Variants in SPAG16 observed in about 807,000 individuals in gnomAD.
SPAG16 encodes the protein sperm associated antigen 16, also known as sperm-associated antigen 16 protein.
In SPAG16, 86 loss-of-function variants were observed where a neutral mutation model predicts 80.4. The ratio of observed to expected loss-of-function variants is 1.07; its 90% CI spans 0.90 to 1.28. The LOEUF (loss-of-function observed/expected upper bound fraction) is 1.28. Ranked by LOEUF, SPAG16 falls within the 50% of genes most tolerant of loss-of-function variation. SPAG16 has a pLI of 0.00. For synonymous variants in SPAG16, 294 were observed against 265.9 expected, an observed-to-expected ratio of 1.11 and a Z score of -1.03; for missense variants, 870 against 765.3, an observed-to-expected ratio of 1.14 and a Z score of -1.61.
At chr2:213,761,929 C>G (rs184327526) in intron 10 of SPAG16, among the ~76,000 whole-genome samples, 1 of 151,738 alleles carries the variant, frequency 6.6e-6, no homozygotes, top group Non-Finnish European at 1.5e-5. Flanking sequence ...ATATCTCTTA[C>G]GAATATTGAG....
At chr2:213,842,662 C>T (rs114425614) in intron 10 of SPAG16, among the ~76,000 whole-genome samples, 260 of 152,306 alleles carry the variant, frequency 1.7e-3, no homozygotes, top group African/African-American at 6.1e-3. Flanking sequence ...ATATGTTCAT[C>T]TCCTTCTGCA....
chr2:214,086,948 C>T (rs772313865), intron 13 of SPAG16, among the ~76,000 whole-genome samples: 2 of 152,128 alleles, frequency 1.3e-5, no homozygotes, highest in African/African-American at 2.4e-5. Flanking sequence ...TTTTTTACTG[C>T]TCAACTCATT....
chr2:214,153,371 G>A (rs539694931), intron 15 of SPAG16, among the ~76,000 whole-genome samples: 3 of 152,012 alleles, frequency 2.0e-5, no homozygotes, highest in Non-Finnish European at 2.9e-5. Flanking sequence ...TATAATATTG[G>A]AATAAAGAAT....
chr2:213,588,568 C>T (rs1387281911), intron 10 of SPAG16, among the ~76,000 whole-genome samples: 5 of 149,712 alleles, frequency 3.3e-5, no homozygotes, highest in African/African-American at 9.8e-5. Flanking sequence ...TTTGGGAGGC[C>T]GAGGCGGGTG....
At chr2:214,273,987 A>T (rs928498467) in intron 15 of SPAG16, among the ~76,000 whole-genome samples, 1 of 152,132 alleles carries the variant, frequency 6.6e-6, no homozygotes, top group Non-Finnish European at 1.5e-5. Context: ...AGTAGTTTGC[A>T]GTTCTCCTTG....
intron 12 of SPAG16, among the ~76,000 whole-genome samples, chr2:214,007,331 C>T (rs543844007): frequency 9.8e-4 from 148 of 151,488 alleles, no homozygotes; most frequent in South Asian, 5.8e-3. Flanking sequence ...GATGGTGGCT[C>T]GTGCCTGCAA....
intron 12 of SPAG16, among the ~76,000 whole-genome samples, chr2:213,939,132 C>T (rs1016766552): frequency 6.6e-6 from 1 of 152,094 alleles, no homozygotes; most frequent in Non-Finnish European, 1.5e-5. Flanking sequence ...ATATCCCTTC[C>T]TGATTTTTTC....
rs184217847 is a variant in SPAG16, at chr2:214,336,771, A to G, written c.1721-73369A>G. On this transcript the variant is annotated intron_variant, in intron 15 of 15. Coordinates refer to ENST00000331683, the MANE Select transcript of SPAG16 (RefSeq NM_024532.5). ...AAAGGAATATCAAATGCATAGAAAT[A>G]GAGTGTTTTTGTTGTAAGCTTTTAC... Among the ~76,000 whole-genome samples the G allele has an allele frequency of 4.6e-5, 7 of 151,812 alleles. No individual in the cohort carries two copies. In the East Asian group the frequency reaches 1.4e-3, roughly 30 times the overall value.
At chr2:214,238,926 T>A (rs989022431) in intron 15 of SPAG16, 6 of 152,328 alleles carry the variant, frequency 3.9e-5, no homozygotes, top group African/African-American at 1.2e-4. Flanking sequence ...AAAACTCCTA[T>A]TTGAAATCTA....
intron 12 of SPAG16, among the ~76,000 whole-genome samples, chr2:213,943,624 T>C (rs1000649720): frequency 6.6e-6 from 1 of 152,224 alleles, no homozygotes; most frequent in Non-Finnish European, 1.5e-5. Context: ...AAAAAATTTC[T>C]GTGTATAGTT....
chr2:213,928,340 C>G (rs1330501935), intron 11 of SPAG16, among the ~76,000 whole-genome samples: 2 of 151,920 alleles, frequency 1.3e-5, no homozygotes, highest in Admixed American at 1.3e-4. Context: ...GATCTGCCCC[C>G]CTCGACCTCC....
intron 9 of SPAG16, among the ~76,000 whole-genome samples, chr2:213,386,083 A>T (rs2067414761): frequency 6.6e-6 from 1 of 152,156 alleles, no homozygotes; most frequent in South Asian, 2.1e-4. Flanking sequence ...TTCATCTTTG[A>T]AATGTCTTCT....
At chr2:213,426,243 T>G (rs966391424) in intron 9 of SPAG16, among the ~76,000 whole-genome samples, 5 of 152,138 alleles carry the variant, frequency 3.3e-5, no homozygotes, top group African/African-American at 1.2e-4. Flanking sequence ...TTATTTTAAA[T>G]TTGTTTATGA....
intron 9 of SPAG16, among the ~76,000 whole-genome samples, chr2:213,404,061 T>G (rs969262953): frequency 1.3e-5 from 2 of 151,894 alleles, no homozygotes; most frequent in Admixed American, 1.3e-4. Flanking sequence ...TAAAAGAGGA[T>G]ACAAACAAAT....
At chr2:213,755,686 CA>C (rs1437541846) in intron 10 of SPAG16, among the ~76,000 whole-genome samples, 2 of 151,992 alleles carry the variant, frequency 1.3e-5, no homozygotes, top group African/African-American at 4.8e-5. Context: ...AGTTAAAAAG[CA>C]AACAGAAATT....
Position 213,489,939 on chromosome 2 carries a change from C to G in SPAG16, c.943-24C>G. On this transcript the variant is annotated intron_variant, in intron 9 of 15. Transcript: ENST00000331683. Reference sequence around the variant, plus strand: ...AGTGATTTTGATATTTAACACAGAGCTCTTGTTTAATTTTTTTCTCTAGGA... The same window carrying G: ...AGTGATTTTGATATTTAACACAGAGGTCTTGTTTAATTTTTTTCTCTAGGA... 2.5e-6 allele frequency: 4 copies of G among 1,579,066 alleles called. No individual in the cohort carries two copies. In the South Asian group the frequency reaches 4.7e-5, roughly 19 times the overall value.
chr2:213,287,411 A>T (rs1375272906), intron 1 of SPAG16, among the ~76,000 whole-genome samples: 1 of 152,214 alleles, frequency 6.6e-6, no homozygotes, highest in Non-Finnish European at 1.5e-5. Flanking sequence ...GCCAGCATGA[A>T]TTTGTACTAA....
intron 13 of SPAG16, among the ~76,000 whole-genome samples, chr2:214,071,683 T>G (rs2050794839): frequency 6.6e-6 from 1 of 152,116 alleles, no homozygotes; most frequent in Admixed American, 6.6e-5. Flanking sequence ...CTATCCTCCT[T>G]CAATTTGGTG....
intron 15 of SPAG16, among the ~76,000 whole-genome samples, chr2:214,229,166 AG>A (rs1046883945): frequency 5.3e-5 from 8 of 150,226 alleles, no homozygotes; most frequent in Non-Finnish European, 1.2e-4. Context: ...AAAAAAAAAA[AG>A]GATAATTTCA....
Sources: allele counts gnomAD v4.1 joint callset (sites outside exome capture counted in the v4.1 genomes callset), GRCh38; gene constraint gnomAD v4.1.1; transcripts MANE v1.5; gene names NCBI Gene and HGNC (gene_info 2026-07-23, HGNC 2026-07-21).